The following HTR4 variants were observed in gnomAD, a reference collection of about 807,000 sequenced individuals.
HTR4 encodes 5-hydroxytryptamine (serotonin) receptor 4, G protein-coupled.
A neutral mutation model predicts 36.8 loss-of-function variants in HTR4; 16 were observed. The ratio of observed to expected loss-of-function variants is 0.43; its 90% confidence interval spans 0.29 to 0.66. The LOEUF is 0.66. Among genes scored for constraint, HTR4 ranks in the 30% least tolerant of loss-of-function variants. The pLI, the probability that HTR4 is intolerant of heterozygous loss-of-function variation, is 0.13. For synonymous variants in HTR4, 189 were observed against 185.1 expected (o/e 1.02, Z -0.17); for missense variants, 438 against 490.9 (o/e 0.89, Z 1.02).
chr5:148,454,992 G>C (rs551781857), intron 5 of HTR4, among the ~76,000 whole-genome samples: 22 of 152,310 alleles, frequency 1.4e-4, no homozygotes, highest in Non-Finnish European at 2.1e-4. Context: ...CCCTGAAGTG[G>C]ATGTTTGTGC....
At chr5:148,591,736 A>C (rs970244185) in intron 2 of HTR4, among the ~76,000 whole-genome samples, 5 of 152,230 alleles carry the variant, frequency 3.3e-5, no homozygotes, top group African/African-American at 1.2e-4. Flanking sequence ...AATGCAAATC[A>C]AAACCACAAT....
At chr5:148,581,260 A>T (rs897937902) in intron 2 of HTR4, among the ~76,000 whole-genome samples, 25 of 151,984 alleles carry the variant, frequency 1.6e-4, no homozygotes, top group African/African-American at 5.8e-4. Flanking sequence ...CATTATCAGA[A>T]ATATGGCTAG....
chr5:148,501,384 T>G (rs903095518), intron 6 of HTR4, among the ~76,000 whole-genome samples: 2 of 152,132 alleles, frequency 1.3e-5, no homozygotes, highest in African/African-American at 4.8e-5. Flanking sequence ...GGAACAGGGG[T>G]AGGATTAGCA....
At chr5:148,469,587 G>C (rs1044314063) in intron 5 of HTR4, among the ~76,000 whole-genome samples, 1 of 152,196 alleles carries the variant, frequency 6.6e-6, no homozygotes, top group African/African-American at 2.4e-5. Flanking sequence ...GTTCCTACAC[G>C]GGGGTTGTGT....
At chr5:148,634,762 T>C (rs1241274042) in intron 2 of HTR4, among the ~76,000 whole-genome samples, 5 of 152,192 alleles carry the variant, frequency 3.3e-5, no homozygotes, top group Non-Finnish European at 5.9e-5. Flanking sequence ...CTCTGAATCA[T>C]GTCTCCTCCA....
intron 5 of HTR4, among the ~76,000 whole-genome samples, chr5:148,514,460 A>G (rs1351385792): frequency 6.6e-6 from 1 of 152,110 alleles, no homozygotes; most frequent in Non-Finnish European, 1.5e-5. Context: ...GTGACACACT[A>G]GTATTTTTCT....
intron 2 of HTR4, among the ~76,000 whole-genome samples, chr5:148,570,806 A>AT (rs1227939264): frequency 6.6e-6 from 1 of 151,700 alleles, no homozygotes; most frequent in Non-Finnish European, 1.5e-5. Flanking sequence ...GGACAAGAGT[A>AT]TTTTTTGTGT....
intron 2 of HTR4, among the ~76,000 whole-genome samples, chr5:148,577,924 A>C (rs977058138): frequency 1.3e-5 from 2 of 152,002 alleles, no homozygotes; most frequent in African/African-American, 4.8e-5. Flanking sequence ...CCATGACATG[A>C]GTTTACCTAT....
At chr5:148,528,326 A>G (rs1758387333) in intron 4 of HTR4, among the ~76,000 whole-genome samples, 5 of 152,288 alleles carry the variant, frequency 3.3e-5, no homozygotes, top group Admixed American at 1.3e-4. Flanking sequence ...GGGATTGAGT[A>G]TAGAACATAA....
Position 148,509,457 on chromosome 5 carries a change from T to C in HTR4, c.1075A>G (p.Arg359Gly). 1 of 1,601,204 alleles carries C rather than the reference T, an allele frequency of 6.2e-7. No homozygotes were observed. Among genetic ancestry groups the C allele is most frequent in the Non-Finnish European group, 8.5e-7 (1 of 1,172,286 alleles). Reference sequence around the variant, plus strand: ...AATGAACTCCCTTAGTATACTCACCTTAGTACATGTGTGGATCCATTAATG... The same window carrying C: ...AATGAACTCCCTTAGTATACTCACCCTAGTACATGTGTGGATCCATTAATG... ...TTINGSTHVL[R>G]DAVECGGQWE... The change falls in exon 6 of 7, where the codon AGG becomes GGG. Residue 359 changes from arginine to glycine, a missense_variant and splice_region_variant. Transcript: ENST00000377888.
chr5:148,492,316 G>C (rs530480312), intron 6 of HTR4, among the ~76,000 whole-genome samples: 7 of 152,152 alleles, frequency 4.6e-5, no homozygotes, highest in Non-Finnish European at 7.4e-5. Context: ...AATCCAGAAG[G>C]CATATTCAAA....
chr5:148,534,927 C>T (rs987641931), intron 4 of HTR4, among the ~76,000 whole-genome samples: 7 of 152,022 alleles, frequency 4.6e-5, no homozygotes, highest in Non-Finnish European at 7.4e-5. Flanking sequence ...AGTCAGCAGC[C>T]CAGGAGTTCC....
intron 4 of HTR4, among the ~76,000 whole-genome samples, chr5:148,530,717 G>GATCC (rs1758521373): frequency 6.6e-6 from 1 of 152,166 alleles, no homozygotes; most frequent in Admixed American, 6.5e-5. Context: ...CAGAACCAGA[G>GATCC]ATCCACCAAC....
At chr5:148,498,521 A>G (rs1756786946) in intron 6 of HTR4, among the ~76,000 whole-genome samples, 1 of 152,194 alleles carries the variant, frequency 6.6e-6, no homozygotes, top group Non-Finnish European at 1.5e-5. Flanking sequence ...ATACTATGTT[A>G]GAGACTATAC....
downstream of HTR4, among the ~76,000 whole-genome samples, chr5:148,476,425 C>G (rs1050520589): frequency 6.6e-6 from 1 of 152,196 alleles, no homozygotes; most frequent in Non-Finnish European, 1.5e-5. Context: ...AAACTCTAAT[C>G]TTTCTGCCAC....
chr5:148,642,643 C>A (rs1487951937), intron 1 of HTR4, among the ~76,000 whole-genome samples: 1 of 152,066 alleles, frequency 6.6e-6, no homozygotes, highest in Non-Finnish European at 1.5e-5. Context: ...CCATGATGAT[C>A]GTGATTTCCT....
intron 2 of HTR4, among the ~76,000 whole-genome samples, chr5:148,596,498 C>T (rs527471020): frequency 4.4e-4 from 67 of 152,262 alleles, no homozygotes; most frequent in Non-Finnish European, 5.4e-4. Flanking sequence ...TCTAGCTCAG[C>T]GTTTCCCAAT....
At chr5:148,617,313 C>A (rs1019371312) in intron 2 of HTR4, among the ~76,000 whole-genome samples, 2 of 152,206 alleles carry the variant, frequency 1.3e-5, no homozygotes, top group Admixed American at 6.5e-5. Context: ...GGGTGCCAGG[C>A]AGATGCTAGT....
chr5:148,492,174 C>A (rs1041230274), intron 6 of HTR4, among the ~76,000 whole-genome samples: 1 of 152,184 alleles, frequency 6.6e-6, no homozygotes, highest in African/African-American at 2.4e-5. Flanking sequence ...TACACAGAAC[C>A]TCGACACCCT....
Sources: gnomAD v4.1 joint callset for allele counts (sites outside exome capture counted in the v4.1 genomes callset) on GRCh38, gnomAD v4.1.1 for gene constraint, MANE v1.5 for transcripts, NCBI Gene and HGNC (gene_info 2026-07-23, HGNC 2026-07-21) for gene names.